The following FAM83A variants were observed in gnomAD, a reference collection of about 807,000 sequenced individuals.
The protein encoded by FAM83A is protein FAM83A.
FAM83A carries 21 observed loss-of-function variants against 24.4 expected under a neutral mutation model. The observed-to-expected ratio is 0.86, with a 90% CI of 0.61 to 1.24. FAM83A has a LOEUF of 1.24. Among genes scored for constraint, FAM83A ranks in the 50% most tolerant of loss-of-function variants. FAM83A has a pLI of 0.00. For missense variants in FAM83A, 617 were observed against 579.8 expected, an observed-to-expected ratio of 1.06 and a Z score of -0.66; for synonymous variants, 270 against 252.4, an observed-to-expected ratio of 1.07 and a Z score of -0.66.
intron 3 of FAM83A, 51 bp downstream of exon 3, chr8:123,194,199 A>G (rs1433071292): frequency 3.1e-6 from 5 of 1,607,742 alleles, no homozygotes; most frequent in Non-Finnish European, 4.2e-6. Flanking sequence ...ACAAGGGCTG[A>G]GTGAGGTGCA....
At chr8:123,186,078 C>T (rs75372756) in intron 1 of FAM83A, among the ~76,000 whole-genome samples, 16 of 152,292 alleles carry the variant, frequency 1.1e-4, no homozygotes, top group South Asian at 1.0e-3. Context: ...CATGAGCCAC[C>T]GTGCCTGGCC....
intron 3 of FAM83A, among the ~76,000 whole-genome samples, chr8:123,194,673 G>A (rs764839251): frequency 3.9e-5 from 6 of 152,230 alleles, no homozygotes; most frequent in East Asian, 1.9e-4. Flanking sequence ...TAGTAGAGAC[G>A]GGGTTTCATC....
At chr8:123,207,559 C>T in exon 4 of FAM83A, 2 of 1,544,556 alleles carry the variant, frequency 1.3e-6, no homozygotes, top group Non-Finnish European at 8.7e-7. Flanking sequence ...CCCACGACGG[C>T]CCGCCCGCCG....
In FAM83A at chr8:123,184,877, G is replaced by A. The variant is rs765667452; in HGVS notation, c.480+1541G>A. ...AAAGAACATGCTGATGTTTGGGTTG[G>A]TTTTTTGCTAGGGTCCCAGTCTCAT... On this transcript the variant is annotated intron_variant, in intron 1 of 3. Transcript: ENST00000690554. Among the ~76,000 whole-genome samples the A allele has an allele frequency of 9.6e-4, 146 of 152,198 alleles. 5 individuals are homozygous for A. Among genetic ancestry groups the A allele is most frequent in the Non-Finnish European group, 9.6e-4 (65 of 68,034 alleles).
At chr8:123,184,505 G>C (rs887850217) in intron 1 of FAM83A, among the ~76,000 whole-genome samples, 1 of 152,060 alleles carries the variant, frequency 6.6e-6, no homozygotes, top group Non-Finnish European at 1.5e-5. Context: ...AGATAGAAGA[G>C]AAAAACCCTT....
chr8:123,206,487 G>T (rs530511675), intron 3 of FAM83A, among the ~76,000 whole-genome samples: 2 of 152,310 alleles, frequency 1.3e-5, no homozygotes, highest in South Asian at 4.1e-4. Flanking sequence ...ACCCCTGTGT[G>T]GTTAAAGGCG....
intron 3 of FAM83A, among the ~76,000 whole-genome samples, chr8:123,197,638 C>T (rs182112600): frequency 2.0e-5 from 3 of 152,330 alleles, no homozygotes; most frequent in South Asian, 4.1e-4. Flanking sequence ...TTGCAGCGCT[C>T]TTGACACTCC....
At chr8:123,181,944 C>T (rs528386805), upstream of FAM83A, 20 of 435,708 alleles carry the variant, frequency 4.6e-5, 1 homozygote, top group Middle Eastern at 3.3e-4. Flanking sequence ...TGCCAGATCA[C>T]GATCTGATCT....
At chr8:123,183,097 C>A (rs200620269) in exon 1 of FAM83A, 5 of 1,613,802 alleles carry the variant, frequency 3.1e-6, no homozygotes, top group Non-Finnish European at 4.2e-6. Flanking sequence ...GCCCCCGTGT[C>A]CCCCAGACAC....
exon 4 of FAM83A, chr8:123,207,730 C>T: frequency 7.0e-7 from 1 of 1,426,078 alleles, no homozygotes; most frequent in Non-Finnish European, 9.1e-7. Context: ...CAGGGCTGGG[C>T]ACTCCCTGAG....
intron 3 of FAM83A, among the ~76,000 whole-genome samples, chr8:123,197,314 T>C (rs1357193192): frequency 1.3e-5 from 2 of 152,224 alleles, no homozygotes; most frequent in African/African-American, 4.8e-5. Flanking sequence ...CAAGTGCAGT[T>C]CACACCTTCC....
At chr8:123,197,219 C>G (rs1214627538) in intron 3 of FAM83A, among the ~76,000 whole-genome samples, 1 of 152,154 alleles carries the variant, frequency 6.6e-6, no homozygotes, top group Non-Finnish European at 1.5e-5. Flanking sequence ...ATATGTCATT[C>G]CGTCCTCAAA....
upstream of FAM83A, chr8:123,180,812 C>T (rs1823579218): frequency 6.6e-6 from 1 of 151,874 alleles, no homozygotes; most frequent in South Asian, 2.1e-4. Flanking sequence ...TCCTCTTTGA[C>T]CTCCAGGGAT....
At chr8:123,198,193 T>C (rs1175356976) in intron 3 of FAM83A, among the ~76,000 whole-genome samples, 1 of 152,142 alleles carries the variant, frequency 6.6e-6, no homozygotes. Context: ...TGGATGTTTT[T>C]TAAAAAAAGT....
intron 3 of FAM83A, among the ~76,000 whole-genome samples, chr8:123,205,389 T>C (rs1824513513): frequency 6.6e-6 from 1 of 152,202 alleles, no homozygotes. Flanking sequence ...GCTTGCCTCC[T>C]GTCCCGTGGC....
chr8:123,179,374 G>A (rs1823541620), upstream of FAM83A: 1 of 152,126 alleles, frequency 6.6e-6, no homozygotes, highest in Non-Finnish European at 1.5e-5. Flanking sequence ...TACAGTATGG[G>A]ATGCACAGTG....
chr8:123,189,164 CAATT>C (rs1353845175), intron 1 of FAM83A, among the ~76,000 whole-genome samples: 1 of 152,226 alleles, frequency 6.6e-6, no homozygotes, highest in Non-Finnish European at 1.5e-5. Context: ...GTGTGCAAGA[CAATT>C]AATTGTGTGA....
At chr8:123,188,165 G>A (rs949508633) in intron 1 of FAM83A, among the ~76,000 whole-genome samples, 1 of 151,932 alleles carries the variant, frequency 6.6e-6, no homozygotes, top group African/African-American at 2.4e-5. Context: ...ATGAGCCACT[G>A]CACGCTTCTG....
chr8:123,189,608 G>A (rs1191662696), intron 1 of FAM83A, among the ~76,000 whole-genome samples: 3 of 152,172 alleles, frequency 2.0e-5, no homozygotes, highest in African/African-American at 7.2e-5. Flanking sequence ...CATATCTGAT[G>A]CCTCCTTTGG....
Sources: gnomAD v4.1 joint callset for allele counts (sites outside exome capture counted in the v4.1 genomes callset) on GRCh38, gnomAD v4.1.1 for gene constraint, MANE v1.5 for transcripts, NCBI Gene and HGNC (gene_info 2026-07-23, HGNC 2026-07-21) for gene names.